The following NFIB variants were observed in gnomAD, a reference collection of about 807,000 sequenced individuals.
NFIB encodes the protein nuclear factor I B, also known as nuclear factor 1 B-type.
A neutral mutation model predicts 61.5 loss-of-function variants in NFIB; 11 were observed. The observed-to-expected ratio is 0.18, with a 90% confidence interval of 0.11 to 0.30. The LOEUF is 0.30. NFIB is among the 10% of genes least tolerant of loss of function. The probability of loss-of-function intolerance (pLI) is 1.00; values close to 1 mark genes in which losing one functional copy is unlikely to be tolerated. For synonymous variants in NFIB, 260 were observed against 216.5 expected (o/e 1.20, Z -1.76); for missense variants, 471 against 608.9 (o/e 0.77, Z 2.38).
chr9:14,396,142 A>G (rs2133044095), intron 1 of NFIB, among the ~76,000 whole-genome samples: 1 of 152,176 alleles, frequency 6.6e-6, no homozygotes, highest in African/African-American at 2.4e-5. Context: ...GCAGCTTTTA[A>G]TGTATTTGAT....
chr9:14,177,843 T>C (rs1563868712), intron 3 of NFIB, among the ~76,000 whole-genome samples: 1 of 152,164 alleles, frequency 6.6e-6, no homozygotes, highest in African/African-American at 2.4e-5. Flanking sequence ...AATAAAGAGA[T>C]GCTACATCGA....
intron 2 of NFIB, among the ~76,000 whole-genome samples, chr9:14,292,575 G>A (rs1009406004): frequency 1.3e-5 from 2 of 152,198 alleles, no homozygotes; most frequent in Admixed American, 1.3e-4. Flanking sequence ...CAGGGATAGT[G>A]GATGTCCTCT....
At chr9:14,518,147 A>G in the NFIB span, among the ~76,000 whole-genome samples, 1 of 152,378 alleles carries the variant, frequency 6.6e-6, no homozygotes, top group South Asian at 2.1e-4. Flanking sequence ...TCTATATGCC[A>G]TTGGAAATAT....
chr9:14,487,708 A>G, the NFIB span, among the ~76,000 whole-genome samples: 2 of 152,118 alleles, frequency 1.3e-5, no homozygotes, highest in Admixed American at 6.5e-5. Flanking sequence ...CACCCCACAT[A>G]CCTCCCACAG....
At chr9:14,328,345 C>A (rs1447799190) in intron 1 of NFIB, among the ~76,000 whole-genome samples, 1 of 152,066 alleles carries the variant, frequency 6.6e-6, no homozygotes, top group Admixed American at 6.6e-5. Context: ...GGGATGTAAC[C>A]ATGTTGCCTA....
intron 4 of NFIB, among the ~76,000 whole-genome samples, chr9:14,153,990 T>C (rs192310121): frequency 6.6e-6 from 1 of 152,254 alleles, no homozygotes; most frequent in Non-Finnish European, 1.5e-5. Flanking sequence ...TACAAATCAG[T>C]AATGTTTGTT....
the NFIB span, among the ~76,000 whole-genome samples, chr9:14,488,707 C>T: frequency 2.6e-5 from 4 of 152,166 alleles, no homozygotes; most frequent in Non-Finnish European, 5.9e-5. Flanking sequence ...ATGATTCTAA[C>T]TGCTGGTCTA....
rs184221962 is a variant in NFIB, at chr9:14,290,864, T to C, written c.562+16125A>G. On this transcript the variant is annotated intron_variant, in intron 2 of 10. Transcript: ENST00000380953. Reference sequence around the variant, plus strand: ...TAACTTGCATGCATTCATCCATTCATTCAACAAATACATATTATCTATTTT... The same window carrying C: ...TAACTTGCATGCATTCATCCATTCACTCAACAAATACATATTATCTATTTT... Among the ~76,000 whole-genome samples, 559 of 152,202 alleles carry C rather than the reference T, an allele frequency of 3.7e-3. 5 individuals carry two copies. The highest frequency in any genetic ancestry group is 0.013 in the African/African-American group (533 of 41,568).
At chr9:14,224,953 T>C (rs1250888019) in intron 2 of NFIB, among the ~76,000 whole-genome samples, 1 of 152,210 alleles carries the variant, frequency 6.6e-6, no homozygotes, top group Non-Finnish European at 1.5e-5. Flanking sequence ...TTTACTTTCT[T>C]AGCGAATTTC....
upstream of NFIB, among the ~76,000 whole-genome samples, chr9:14,316,775 G>C (rs1440447992): frequency 6.6e-6 from 1 of 151,924 alleles, no homozygotes; most frequent in Admixed American, 6.5e-5. Context: ...CAGATTCTGA[G>C]GGGAGGGGGT....
intron 6 of NFIB, among the ~76,000 whole-genome samples, chr9:14,144,422 A>C (rs1312683056): frequency 6.6e-6 from 1 of 152,188 alleles, no homozygotes; most frequent in African/African-American, 2.4e-5. Flanking sequence ...TCAGTAAAAC[A>C]AGCAATAAAA....
the NFIB span, among the ~76,000 whole-genome samples, chr9:14,434,010 G>A: frequency 6.6e-6 from 1 of 152,118 alleles, no homozygotes; most frequent in Non-Finnish European, 1.5e-5. Context: ...TACGATCACG[G>A]CAAGCTACTG....
At chr9:14,093,770 T>C (rs1432812775) in intron 10 of NFIB, among the ~76,000 whole-genome samples, 2 of 152,060 alleles carry the variant, frequency 1.3e-5, no homozygotes, top group Non-Finnish European at 2.9e-5. Context: ...TGTACATGGG[T>C]GCATTCGGAC....
chr9:14,199,769 A>C (rs982152120), intron 2 of NFIB, among the ~76,000 whole-genome samples: 2 of 151,556 alleles, frequency 1.3e-5, no homozygotes, highest in Admixed American at 6.6e-5. Context: ...TGGAGGATCC[A>C]GGATCCATTT....
chr9:14,405,874 T>C, the NFIB span, among the ~76,000 whole-genome samples: 6 of 152,202 alleles, frequency 3.9e-5, no homozygotes, highest in African/African-American at 1.4e-4. Context: ...AAATCAGGCC[T>C]AAGAACTATG....
exon 1 of NFIB, chr9:14,398,957 GATC>G (rs2061715665): frequency 3.6e-6 from 1 of 277,554 alleles, no homozygotes; most frequent in Non-Finnish European, 6.7e-6. Context: ...GTAGGCATTT[GATC>G]ATCTAGACCT....
intron 4 of NFIB, among the ~76,000 whole-genome samples, chr9:14,154,415 C>A (rs1012922736): frequency 1.3e-5 from 2 of 152,148 alleles, no homozygotes; most frequent in Non-Finnish European, 2.9e-5. Context: ...CTTCAGATAA[C>A]CCCTGTCTTA....
chr9:14,277,277 G>A (rs933866793), intron 2 of NFIB, among the ~76,000 whole-genome samples: 1 of 152,106 alleles, frequency 6.6e-6, no homozygotes, highest in African/African-American at 2.4e-5. Flanking sequence ...TTTGCTGGCA[G>A]AATTTATTCC....
At chr9:14,342,136 C>T (rs779124383) in intron 1 of NFIB, among the ~76,000 whole-genome samples, 10 of 152,250 alleles carry the variant, frequency 6.6e-5, no homozygotes, top group East Asian at 5.8e-4. Flanking sequence ...CCTGTGAAAA[C>T]GTATACATGG....
Sources: gnomAD v4.1 joint callset for allele counts (sites outside exome capture counted in the v4.1 genomes callset) on GRCh38, gnomAD v4.1.1 for gene constraint, MANE v1.5 for transcripts, NCBI Gene and HGNC (gene_info 2026-07-23, HGNC 2026-07-21) for gene names.